Variants in SLC24A2 observed in about 807,000 individuals in gnomAD.
The protein encoded by SLC24A2 is sodium/potassium/calcium exchanger 2.
In SLC24A2, 36 loss-of-function variants were observed where a neutral mutation model predicts 62.0. The observed-to-expected ratio is 0.58, with a 90% CI of 0.44 to 0.77. The LOEUF is 0.77. SLC24A2 is among the 30% of genes least tolerant of loss of function. SLC24A2 has a pLI of 0.00. For missense variants in SLC24A2, 846 were observed against 817.9 expected (o/e 1.03, Z -0.42); for synonymous variants, 358 against 294.0 (o/e 1.22, Z -2.23).
the SLC24A2 span, among the ~76,000 whole-genome samples, chr9:19,814,312 C>T: frequency 6.6e-6 from 1 of 152,098 alleles, no homozygotes; most frequent in African/African-American, 2.4e-5. Context: ...CACTCTGTTC[C>T]AAAGTGAGAG....
the SLC24A2 span, among the ~76,000 whole-genome samples, chr9:19,958,430 A>G: frequency 6.6e-6 from 1 of 152,138 alleles, no homozygotes; most frequent in African/African-American, 2.4e-5. Flanking sequence ...GATTCCTGCA[A>G]CCCAAGCTCC....
At chr9:19,844,558 T>C in the SLC24A2 span, among the ~76,000 whole-genome samples, 1 of 152,164 alleles carries the variant, frequency 6.6e-6, no homozygotes, top group East Asian at 1.9e-4. Context: ...GTTTTTGCAA[T>C]TGCTTTTGGG....
At chr9:20,241,863 A>T in the SLC24A2 span, among the ~76,000 whole-genome samples, 1 of 152,166 alleles carries the variant, frequency 6.6e-6, no homozygotes, top group Non-Finnish European at 1.5e-5. Flanking sequence ...CAGCTTCTAA[A>T]AAACATGGCT....
chr9:19,916,981 G>GTTTTTTTTTT, the SLC24A2 span, among the ~76,000 whole-genome samples: 6 of 72,018 alleles, frequency 8.3e-5, no homozygotes, highest in South Asian at 5.5e-4. Context: ...TAACTTACCT[G>GTTTTTTTTTT]TTTTTTTTTT....
the SLC24A2 span, among the ~76,000 whole-genome samples, chr9:19,965,943 G>A: frequency 3.3e-5 from 5 of 152,120 alleles, no homozygotes; most frequent in African/African-American, 1.2e-4. Flanking sequence ...CATTGGCTCG[G>A]CATGAAATTT....
rs151165131 is a variant in SLC24A2, at chr9:19,521,064, A to T, written c.1570-4T>A. 8 of 1,613,932 alleles carry T rather than the reference A, an allele frequency of 5.0e-6. No individual in the cohort carries two copies. Among genetic ancestry groups the T allele is most frequent in the Non-Finnish European group, 6.8e-6 (8 of 1,179,846 alleles). On this transcript the variant is annotated splice_polypyrimidine_tract_variant and splice_region_variant and intron_variant, in intron 9 of 10. Coordinates refer to ENST00000341998, the MANE Select transcript of SLC24A2 (RefSeq NM_020344.4). ...TGATGCCAATTGTCTCTCCAACCTA[A>T]ATGTCAGGACAGGAATAAACATCTC...
At chr9:19,727,411 C>T (rs1454265224) in intron 2 of SLC24A2, among the ~76,000 whole-genome samples, 1 of 152,118 alleles carries the variant, frequency 6.6e-6, no homozygotes, top group East Asian at 1.9e-4. Flanking sequence ...ACTATCTTCC[C>T]TAACTCATTT....
At chr9:20,306,138 A>T in the SLC24A2 span, among the ~76,000 whole-genome samples, 1 of 152,220 alleles carries the variant, frequency 6.6e-6, no homozygotes, top group Non-Finnish European at 1.5e-5. Flanking sequence ...GACACAACTC[A>T]GCCCACAGCA....
At chr9:20,263,357 G>A in the SLC24A2 span, among the ~76,000 whole-genome samples, 3 of 152,086 alleles carry the variant, frequency 2.0e-5, no homozygotes, top group Non-Finnish European at 4.4e-5. Context: ...GTTCAAGCAA[G>A]CTGCTCACCT....
intron 2 of SLC24A2, among the ~76,000 whole-genome samples, chr9:19,783,101 G>A (rs1823061593): frequency 6.6e-6 from 1 of 152,150 alleles, no homozygotes; most frequent in Admixed American, 6.5e-5. Flanking sequence ...GTTTTTCCAT[G>A]CTTCACAGTT....
the SLC24A2 span, among the ~76,000 whole-genome samples, chr9:20,210,206 G>C: frequency 6.6e-6 from 1 of 152,120 alleles, no homozygotes; most frequent in South Asian, 2.1e-4. Flanking sequence ...TTTAACACCC[G>C]CACCTACACA....
chr9:20,014,291 A>T, the SLC24A2 span, among the ~76,000 whole-genome samples: 1 of 152,126 alleles, frequency 6.6e-6, no homozygotes, highest in East Asian at 1.9e-4. Context: ...TGGGAATTTA[A>T]GTACAGCCAT....
intron 2 of SLC24A2, among the ~76,000 whole-genome samples, chr9:19,723,008 T>C (rs1243841310): frequency 6.6e-6 from 1 of 152,112 alleles, no homozygotes; most frequent in Non-Finnish European, 1.5e-5. Context: ...ATAAGATTGT[T>C]CAATTTTTAA....
At chr9:20,206,504 T>C in the SLC24A2 span, among the ~76,000 whole-genome samples, 46 of 152,164 alleles carry the variant, frequency 3.0e-4, no homozygotes, top group African/African-American at 1.1e-3. Flanking sequence ...ATTATTATTA[T>C]TTTGAGATGG....
At chr9:20,306,982 A>G in the SLC24A2 span, among the ~76,000 whole-genome samples, 336 of 152,162 alleles carry the variant, frequency 2.2e-3, 1 homozygote, top group African/African-American at 7.8e-3. Context: ...ACAGATCTTA[A>G]TGTTATTTTC....
the SLC24A2 span, among the ~76,000 whole-genome samples, chr9:20,066,258 T>C: frequency 6.6e-6 from 1 of 152,218 alleles, no homozygotes; most frequent in Non-Finnish European, 1.5e-5. Flanking sequence ...TTTATAGCAC[T>C]GCGGTTTCAT....
intron 2 of SLC24A2, among the ~76,000 whole-genome samples, chr9:19,747,870 T>C (rs1002755545): frequency 1.3e-5 from 2 of 152,056 alleles, no homozygotes; most frequent in Admixed American, 6.6e-5. Context: ...ATCAGTGAGG[T>C]GTTTTGATTA....
At chr9:20,069,223 G>C in the SLC24A2 span, among the ~76,000 whole-genome samples, 6 of 152,106 alleles carry the variant, frequency 3.9e-5, no homozygotes, top group African/African-American at 1.4e-4. Context: ...CTTAGTAAGG[G>C]ATGCTTTCAT....
chr9:19,593,505 G>A (rs535660935), intron 5 of SLC24A2, among the ~76,000 whole-genome samples: 5 of 152,204 alleles, frequency 3.3e-5, no homozygotes, highest in South Asian at 4.2e-4. Context: ...CTTTTCAAAC[G>A]TCATGATTTT....
Sources: gnomAD v4.1 joint callset for allele counts (sites outside exome capture counted in the v4.1 genomes callset) on GRCh38, gnomAD v4.1.1 for gene constraint, MANE v1.5 for transcripts, NCBI Gene and HGNC (gene_info 2026-07-23, HGNC 2026-07-21) for gene names.